The following MBD5 variants were observed in gnomAD, a reference collection of about 807,000 sequenced individuals.
MBD5 encodes the protein methyl-CpG-binding domain protein 5.
MBD5 carries 13 observed loss-of-function variants against 117.3 expected under a neutral mutation model. The ratio of observed to expected loss-of-function variants is 0.11; its 90% confidence interval spans 0.07 to 0.18. The LOEUF is 0.18. MBD5 is among the 10% of genes least tolerant of loss of function. MBD5 has a pLI of 1.00. For synonymous variants in MBD5, 727 were observed against 766.4 expected (o/e 0.95, Z 0.85); for missense variants, 1,879 against 2,093.8 (o/e 0.90, Z 2.00).
rs59209677 is a variant in MBD5 at position 148,412,272 on chromosome 2, T to TTGTGTGTGTGTGTGTG, written c.-556-45915_-556-45900dup. 5.3e-3 allele frequency among the ~76,000 whole-genome samples: 763 copies of TTGTGTGTGTGTGTGTG among 144,566 alleles called. 12 individuals carry two copies. Among genetic ancestry groups the TTGTGTGTGTGTGTGTG allele is most frequent in the African/African-American group, 0.017 (666 of 38,266 alleles). The allele number at this position is 144,566 out of a possible 152,430, so 94.8% of individuals were successfully genotyped here. On this transcript the variant is annotated intron_variant, in intron 4 of 13. Transcript: ENST00000642680. ...TTACTGTAGCCTTGTAGTATACTTTTTGTGTGTGTGTGTGTGTGTGTGTGT... is the reference window on the plus strand; with the variant it reads ...TTACTGTAGCCTTGTAGTATACTTTTTGTGTGTGTGTGTGTGTGTGTGTGTGTGTGTGTGTGTGTGT...
intron 3 of MBD5, among the ~76,000 whole-genome samples, chr2:148,271,811 G>A (rs1280319114): frequency 6.6e-6 from 1 of 151,990 alleles, no homozygotes; most frequent in East Asian, 1.9e-4. Flanking sequence ...TATCTACTCA[G>A]CAATTGTCAT....
At chr2:148,311,394 AT>A (rs779538108) in intron 3 of MBD5, among the ~76,000 whole-genome samples, 3 of 152,152 alleles carry the variant, frequency 2.0e-5, no homozygotes, top group Non-Finnish European at 4.4e-5. Flanking sequence ...TCCTTTTACC[AT>A]TATGTAAAGC....
chr2:148,397,599 G>A lies in MBD5; in HGVS notation c.-557+55263G>A, dbSNP rs550060953. Among the ~76,000 whole-genome samples, 7 of 152,144 alleles carry A rather than the reference G, an allele frequency of 4.6e-5. No homozygotes were observed. The South Asian group carries it at 1.2e-3, about 27-fold the overall frequency. ...CCGCCTCGGCCTCCCAAAGTGCTGA[G>A]ATTACAGGCGTGAGCCACCGCGCCC... On this transcript the variant is annotated intron_variant, in intron 4 of 13. Transcript: ENST00000642680.
chr2:148,222,069 A>G (rs1001333179), intron 2 of MBD5, among the ~76,000 whole-genome samples: 1 of 152,070 alleles, frequency 6.6e-6, no homozygotes, highest in East Asian at 1.9e-4. Context: ...AGTTTACTGT[A>G]GGTGTGTGAA....
chr2:148,450,989 C>A (rs1706710283), intron 4 of MBD5, among the ~76,000 whole-genome samples: 1 of 152,132 alleles, frequency 6.6e-6, no homozygotes. Flanking sequence ...ACCTTGAGAG[C>A]TGATGAAAAA....
intron 4 of MBD5, among the ~76,000 whole-genome samples, chr2:148,449,253 A>T (rs1488259407): frequency 6.6e-6 from 1 of 152,046 alleles, no homozygotes; most frequent in Non-Finnish European, 1.5e-5. Context: ...TTTTCCACAC[A>T]TGCATATAGA....
At chr2:148,299,483 T>C (rs562215885) in intron 3 of MBD5, among the ~76,000 whole-genome samples, 4 of 152,192 alleles carry the variant, frequency 2.6e-5, no homozygotes, top group Non-Finnish European at 5.9e-5. Flanking sequence ...TAGGAGTTCT[T>C]CTTTGCTCCT....
chr2:148,127,798 G>C (rs1162007155), intron 1 of MBD5, among the ~76,000 whole-genome samples: 1 of 152,080 alleles, frequency 6.6e-6, no homozygotes, highest in African/African-American at 2.4e-5. Flanking sequence ...GATCTTTGAG[G>C]AATCACCCAC....
In MBD5 at chr2:148,512,938, A is replaced by T. The variant is rs1309085681; in HGVS notation, c.5181A>T (p.Arg1727Ser). Residue 1727 changes from arginine (R) to serine (S), a missense_variant, in exon 14 of 14, where the codon AGA (arginine) becomes AGT (serine). Coordinates refer to ENST00000642680, the MANE Select transcript of MBD5 (RefSeq NM_001378120.1). Reference protein sequence around the residue: ...PPKPKRRKISR With the variant: ...PPKPKRRKISS Reference sequence around the variant, plus strand: ...AACCCAAGAGGAGGAAGATCTCCAGATAACAGAGACTACTCCACTAATGCG... The same window carrying T: ...AACCCAAGAGGAGGAAGATCTCCAGTTAACAGAGACTACTCCACTAATGCG... 1 of 1,613,522 alleles carries T rather than the reference A, an allele frequency of 6.2e-7. No individual in the cohort carries two copies. The highest frequency in any genetic ancestry group is 8.5e-7 in the Non-Finnish European group (1 of 1,179,432).
At chr2:148,055,418 C>CTTTTTTTTTT (rs56877252) in intron 1 of MBD5, 1 of 140,918 alleles carries the variant, frequency 7.1e-6, no homozygotes, top group Non-Finnish European at 1.5e-5. Flanking sequence ...ATAGGTTTTT[C>CTTTTTTTTTT]TTTTTTTTTT....
intron 1 of MBD5, among the ~76,000 whole-genome samples, chr2:148,043,746 T>C (rs898815687): frequency 6.6e-6 from 1 of 152,184 alleles, no homozygotes. Context: ...GGTTGATAAT[T>C]TTAGTTGAAG....
chr2:148,079,593 T>C (rs1175653129), intron 1 of MBD5, among the ~76,000 whole-genome samples: 2 of 150,868 alleles, frequency 1.3e-5, no homozygotes, highest in Non-Finnish European at 2.9e-5. Context: ...GTGCGGTGGC[T>C]CACATCTGTA....
chr2:148,053,720 A>G (rs1432974329), intron 1 of MBD5, among the ~76,000 whole-genome samples: 2 of 152,006 alleles, frequency 1.3e-5, no homozygotes, highest in East Asian at 3.9e-4. Flanking sequence ...GTGTGTACTT[A>G]TAGTTTGCTC....
At chr2:148,153,809 C>G (rs1253421173) in intron 1 of MBD5, among the ~76,000 whole-genome samples, 1 of 124,876 alleles carries the variant, frequency 8.0e-6, no homozygotes, top group Non-Finnish European at 1.7e-5. Flanking sequence ...TTAAGCACTT[C>G]TCTGTATTGG....
chr2:148,299,452 G>A (rs1701732610), intron 3 of MBD5, among the ~76,000 whole-genome samples: 2 of 151,942 alleles, frequency 1.3e-5, no homozygotes, highest in South Asian at 4.2e-4. Context: ...AAAGAACTTT[G>A]TCTAAAGTTG....
chr2:148,421,439 G>A (rs1324684531), intron 4 of MBD5, among the ~76,000 whole-genome samples: 1 of 152,184 alleles, frequency 6.6e-6, no homozygotes, highest in Non-Finnish European at 1.5e-5. Context: ...CGCAGACCAG[G>A]AGATTCTCTC....
At chr2:148,325,175 G>A (rs2106594034) in intron 3 of MBD5, among the ~76,000 whole-genome samples, 1 of 152,282 alleles carries the variant, frequency 6.6e-6, no homozygotes, top group African/African-American at 2.4e-5. Flanking sequence ...TTGCATCCCA[G>A]GGATGAAGCC....
chr2:148,385,343 A>G (rs1704317202), intron 4 of MBD5, among the ~76,000 whole-genome samples: 5 of 152,260 alleles, frequency 3.3e-5, no homozygotes, highest in African/African-American at 1.2e-4. Context: ...CATGCAGCCA[A>G]AAGACACATG....
chr2:148,296,964 T>A (rs1414055116), intron 3 of MBD5, among the ~76,000 whole-genome samples: 4 of 137,378 alleles, frequency 2.9e-5, no homozygotes, highest in Non-Finnish European at 4.6e-5. Context: ...AACCTCCGCA[T>A]CCCAGGTTCA....
Sources: allele counts gnomAD v4.1 joint callset (sites outside exome capture counted in the v4.1 genomes callset), GRCh38; gene constraint gnomAD v4.1.1; transcripts MANE v1.5; gene names NCBI Gene and HGNC (gene_info 2026-07-23, HGNC 2026-07-21).